The following ST6GAL1 variants were observed in gnomAD, a reference collection of about 807,000 sequenced individuals.
ST6GAL1 encodes ST6 beta-galactoside alpha-2,6-sialyltransferase 1.
A neutral mutation model predicts 38.0 loss-of-function variants in ST6GAL1; 20 were observed. That is an observed-to-expected ratio of 0.53 (90% confidence interval 0.37 to 0.77). The LOEUF (loss-of-function observed/expected upper bound fraction) is 0.77, where lower values mean the gene tolerates loss of function less well. Among genes scored for constraint, ST6GAL1 ranks in the 30% least tolerant of loss-of-function variants. The pLI, the probability that ST6GAL1 is intolerant of heterozygous loss-of-function variation, is 0.00. For missense variants in ST6GAL1, 432 were observed against 496.4 expected, an observed-to-expected ratio of 0.87 and a Z score of 1.23; for synonymous variants, 196 against 188.2, an observed-to-expected ratio of 1.04 and a Z score of -0.34.
rs1342215270 is a variant in ST6GAL1 at position 187,077,987 on chromosome 3, A to G, written c.*2184A>G. On this transcript the variant is annotated 3_prime_UTR_variant, in exon 8 of 8. Transcript: ENST00000169298. Reference sequence around the variant, plus strand: ...CACGTGGGCTGCTTAACTGCTGTATAGGACAAGCCCCTTACCCCTCTCTGG... The same window carrying G: ...CACGTGGGCTGCTTAACTGCTGTATGGGACAAGCCCCTTACCCCTCTCTGG... 2 of 152,582 alleles carry G rather than the reference A, an allele frequency of 1.3e-5. No homozygotes were observed. Among genetic ancestry groups the G allele is most frequent in the Non-Finnish European group, 2.9e-5 (2 of 68,076 alleles). The allele number at this position is 152,582 out of a possible 1,614,324, so 9.5% of individuals were successfully genotyped here.
chr3:186,945,866 C>CTGCA (rs1483996914), intron 1 of ST6GAL1, among the ~76,000 whole-genome samples: 1 of 151,494 alleles, frequency 6.6e-6, no homozygotes, highest in Non-Finnish European at 1.5e-5. Context: ...TGGTGGGCAC[C>CTGCA]TGCAGTCTCA....
At chr3:187,006,645 G>A (rs1418942082) in intron 2 of ST6GAL1, 1 of 152,160 alleles carries the variant, frequency 6.6e-6, no homozygotes. Flanking sequence ...GGAAACTGAG[G>A]TAAAAAGAAG....
At chr3:186,972,561 C>G (rs984693593) in intron 2 of ST6GAL1, among the ~76,000 whole-genome samples, 2 of 151,966 alleles carry the variant, frequency 1.3e-5, no homozygotes, top group African/African-American at 4.8e-5. Flanking sequence ...CTGCTTGTTA[C>G]TATGTGTACA....
chr3:187,038,995 C>CT (rs1718033878), intron 3 of ST6GAL1, 122 bp downstream of exon 3: 1 of 152,130 alleles, frequency 6.6e-6, no homozygotes, highest in Non-Finnish European at 1.5e-5. Context: ...TTGCTGTTTT[C>CT]TTTTTGTATG....
chr3:186,945,988 C>CAAAAA (rs71167026), intron 1 of ST6GAL1, among the ~76,000 whole-genome samples: 3 of 71,470 alleles, frequency 4.2e-5, no homozygotes, highest in Admixed American at 1.9e-4. Context: ...AAGACTCCGT[C>CAAAAA]AAAAAAAAAA....
intron 2 of ST6GAL1, among the ~76,000 whole-genome samples, chr3:187,022,267 T>C (rs1560165772): frequency 1.4e-5 from 2 of 145,394 alleles, no homozygotes; most frequent in African/African-American, 4.9e-5. Flanking sequence ...CCCCCACACA[T>C]ATGGTCACAT....
intron 2 of ST6GAL1, among the ~76,000 whole-genome samples, chr3:186,964,864 A>G (rs931547173): frequency 6.6e-6 from 1 of 152,108 alleles, no homozygotes; most frequent in Non-Finnish European, 1.5e-5. Flanking sequence ...CACCTCCCCT[A>G]TGCATTCCTT....
chr3:186,986,201 TA>T (rs1232502043), intron 2 of ST6GAL1: 2 of 152,026 alleles, frequency 1.3e-5, no homozygotes, highest in Non-Finnish European at 2.9e-5. Flanking sequence ...CTCCACAAAA[TA>T]TCATGTTTCG....
At chr3:187,067,400 T>C (rs1486315446) in intron 5 of ST6GAL1, among the ~76,000 whole-genome samples, 2 of 149,670 alleles carry the variant, frequency 1.3e-5, no homozygotes, top group Admixed American at 6.6e-5. Flanking sequence ...CAACCTTTTT[T>C]TTTTTTTTTT....
At chr3:186,993,989 G>A (rs532171224) in intron 2 of ST6GAL1, among the ~76,000 whole-genome samples, 1 of 152,078 alleles carries the variant, frequency 6.6e-6, no homozygotes, top group South Asian at 2.1e-4. Flanking sequence ...CATCAGAGAG[G>A]GTCTCTGTGG....
At chr3:187,053,079 G>A (rs2108588217) in intron 5 of ST6GAL1, among the ~76,000 whole-genome samples, 1 of 152,254 alleles carries the variant, frequency 6.6e-6, no homozygotes, top group Non-Finnish European at 1.5e-5. Flanking sequence ...TGTGCCTGTT[G>A]GCTGCATAAA....
intron 1 of ST6GAL1, among the ~76,000 whole-genome samples, chr3:186,935,973 C>T (rs748146404): frequency 1.4e-5 from 2 of 146,340 alleles, no homozygotes; most frequent in African/African-American, 2.5e-5. Flanking sequence ...CTGTATTTAC[C>T]GACAAACAGG....
chr3:186,938,525 A>G (rs148175629), intron 1 of ST6GAL1, among the ~76,000 whole-genome samples: 1 of 152,348 alleles, frequency 6.6e-6, no homozygotes, highest in African/African-American at 2.4e-5. Flanking sequence ...GGTTTTCACA[A>G]GCCGCACACT....
intron 6 of ST6GAL1, 38 bp from the exon 7 acceptor site, chr3:187,074,121 C>T: frequency 7.1e-6 from 11 of 1,553,636 alleles, no homozygotes; most frequent in Non-Finnish European, 9.6e-6. Context: ...CTCACTGGCC[C>T]ATTTCTCCCT....
intron 2 of ST6GAL1, among the ~76,000 whole-genome samples, chr3:186,977,120 C>T (rs1487878102): frequency 6.6e-6 from 1 of 152,252 alleles, no homozygotes; most frequent in African/African-American, 2.4e-5. Flanking sequence ...ATTTGCTCCT[C>T]AGCCAGCAAG....
At chr3:187,067,123 G>C (rs1719187798) in intron 5 of ST6GAL1, among the ~76,000 whole-genome samples, 1 of 108,392 alleles carries the variant, frequency 9.2e-6, no homozygotes, top group African/African-American at 3.5e-5. Context: ...CAGAGTCTCT[G>C]TCACCCAGGC....
chr3:187,077,054 A>G lies in ST6GAL1; in HGVS notation c.*1251A>G. 5.0e-6 allele frequency: 2 copies of G among 398,522 alleles called. No individual in the cohort carries two copies. Among genetic ancestry groups the G allele is most frequent in the Non-Finnish European group, 8.8e-6 (2 of 226,020 alleles). The allele number at this position is 398,522 out of a possible 1,614,324, so 24.7% of individuals were successfully genotyped here. ...TTTGAGCTCACGGGCCTTTTGCTGA[A>G]GGTCTCTCAGGGTGTAGTGGTGTGG... On this transcript the variant is annotated 3_prime_UTR_variant, in exon 8 of 8. Coordinates refer to ENST00000169298, the MANE Select transcript of ST6GAL1 (RefSeq NM_173216.2).
intron 5 of ST6GAL1, among the ~76,000 whole-genome samples, chr3:187,067,554 T>G (rs1393365891): frequency 6.6e-6 from 1 of 152,104 alleles, no homozygotes; most frequent in Non-Finnish European, 1.5e-5. Context: ...ACTTTCTGTT[T>G]CTCTTCTCTG....
At chr3:187,004,599 AT>A (rs1260003365) in intron 2 of ST6GAL1, among the ~76,000 whole-genome samples, 2 of 152,230 alleles carry the variant, frequency 1.3e-5, no homozygotes, top group Non-Finnish European at 2.9e-5. Flanking sequence ...GGGAGCGAGA[AT>A]GATGTCCTGT....
Sources: allele counts gnomAD v4.1 joint callset (sites outside exome capture counted in the v4.1 genomes callset), GRCh38; gene constraint gnomAD v4.1.1; transcripts MANE v1.5; gene names NCBI Gene and HGNC (gene_info 2026-07-23, HGNC 2026-07-21).